The following PCDHGA7 variants were observed in gnomAD, a reference collection of about 807,000 sequenced individuals.
PCDHGA7 encodes protocadherin gamma-A7.
A neutral mutation model predicts 58.3 loss-of-function variants in PCDHGA7; 44 were observed. That is an observed-to-expected ratio of 0.75 (90% CI 0.59 to 0.97). The LOEUF (loss-of-function observed/expected upper bound fraction) is 0.97. PCDHGA7 is among the 50% of genes least tolerant of loss of function. PCDHGA7 has a pLI of 0.00. For missense variants in PCDHGA7, 1,266 were observed against 1,188.7 expected (o/e 1.06, Z -0.96); for synonymous variants, 516 against 504.2 (o/e 1.02, Z -0.31).
intron 1 of PCDHGA7, chr5:141,430,973 A>G: frequency 6.2e-7 from 1 of 1,613,266 alleles, no homozygotes; most frequent in East Asian, 2.2e-5. Flanking sequence ...CAGAGGTAGG[A>G]CGCAGCTTTT....
At position 141,485,149 on chromosome 5, in the gene PCDHGA7, A is replaced by G; in HGVS notation, c.2425-9658A>G. 6.3e-7 allele frequency: 1 copy of G among 1,578,106 alleles called. No individual in the cohort carries two copies. Among genetic ancestry groups the G allele is most frequent in the South Asian group, 1.1e-5 (1 of 89,070 alleles). ...CGGCTTCATCCGCGTCTCAGGAGCA[A>G]GTAGAGAATTAGCGGGCGGCAGCAA... On this transcript the variant is annotated intron_variant, in intron 1 of 3. Transcript: ENST00000518325. This position sits in a 1 kb window ranked among gnomAD's most constrained non-coding sequence, Gnocchi z 5.7.
At chr5:141,443,547 T>C (rs1210940890) in intron 1 of PCDHGA7, among the ~76,000 whole-genome samples, 2 of 152,192 alleles carry the variant, frequency 1.3e-5, no homozygotes, top group Non-Finnish European at 2.9e-5. Context: ...TGGGAAATTG[T>C]TCCAATTCAA....
At chr5:141,457,560 G>A (rs1466753974) in intron 1 of PCDHGA7, among the ~76,000 whole-genome samples, 1 of 152,162 alleles carries the variant, frequency 6.6e-6, no homozygotes, top group African/African-American at 2.4e-5. Flanking sequence ...ATAAGCTTTG[G>A]AGCAAAATTT....
chr5:141,401,822 C>T (rs1340105226), intron 1 of PCDHGA7, among the ~76,000 whole-genome samples: 1 of 152,188 alleles, frequency 6.6e-6, no homozygotes, highest in Non-Finnish European at 1.5e-5. Flanking sequence ...TTACAAAGTG[C>T]TGAGATTTCT....
chr5:141,409,033 A>T, intron 1 of PCDHGA7: 1 of 1,614,028 alleles, frequency 6.2e-7, no homozygotes, highest in Non-Finnish European at 8.5e-7. Context: ...ATGCTGAGAT[A>T]AACTACTACT....
intron 1 of PCDHGA7, among the ~76,000 whole-genome samples, chr5:141,466,519 C>A (rs1406838553): frequency 6.6e-6 from 1 of 151,864 alleles, no homozygotes; most frequent in Non-Finnish European, 1.5e-5. Flanking sequence ...CATTTTTTTT[C>A]CTCCCAAATT....
Position 141,490,051 on chromosome 5 carries a change from G to C in PCDHGA7, c.2425-4756G>C, listed in dbSNP as rs779280988. 1 of 1,614,214 alleles carries C rather than the reference G, an allele frequency of 6.2e-7. No individual in the cohort carries two copies. The highest frequency in any genetic ancestry group is 1.1e-5 in the South Asian group (1 of 91,082). On this transcript the variant is annotated intron_variant, in intron 1 of 3. Coordinates refer to ENST00000518325, the MANE Select transcript of PCDHGA7 (RefSeq NM_018920.4). The surrounding 1 kb of genome is among the most constrained non-coding windows in gnomAD (Gnocchi z 5.4). Reference sequence around the variant, plus strand: ...CCGCCTCAATGCCACTGATCCAGACGAGGGCACCAACGGCCAACTAGACTA... The same window carrying C: ...CCGCCTCAATGCCACTGATCCAGACCAGGGCACCAACGGCCAACTAGACTA...
In PCDHGA7 at chr5:141,491,867, T is replaced by A. The variant is rs1424221139; in HGVS notation, c.2425-2940T>A. On this transcript the variant is annotated intron_variant, in intron 1 of 3. Transcript: ENST00000518325. The surrounding 1 kb of genome is among the most constrained non-coding windows in gnomAD (Gnocchi z 6.9). ...TTGGACCGTTTGCGCGAAACCAGAG[T>A]GGCCGATTAAGGGATGGGGCTCCGA... 6.9e-7 allele frequency: 1 copy of A among 1,452,218 alleles called. No homozygotes were observed. The highest frequency in any genetic ancestry group is 9.1e-7 in the Non-Finnish European group (1 of 1,099,056). The allele number at this position is 1,452,218 out of a possible 1,614,324, so 90.0% of individuals were successfully genotyped here. A position where few individuals can be genotyped will look rare whatever the true frequency, so the allele number is the denominator to read the frequency against.
chr5:141,487,857 T>A lies in PCDHGA7; in HGVS notation c.2425-6950T>A. Reference sequence around the variant, plus strand: ...TATCTGAGTAAGAAATGAAAGTAATTGGTGATCAAGAGCCAGGCTGTTGTG... The same window carrying A: ...TATCTGAGTAAGAAATGAAAGTAATAGGTGATCAAGAGCCAGGCTGTTGTG... On this transcript the variant is annotated intron_variant, in intron 1 of 3. Coordinates refer to ENST00000518325, the MANE Select transcript of PCDHGA7 (RefSeq NM_018920.4). The surrounding 1 kb of genome is among the most constrained non-coding windows in gnomAD (Gnocchi z 5.0). The A allele has an allele frequency of 1.0e-6, 1 of 964,674 alleles. No individual in the cohort carries two copies. Among genetic ancestry groups the A allele is most frequent in the Non-Finnish European group, 1.5e-6 (1 of 659,920 alleles). 59.8% of individuals were successfully genotyped at this position (964,674 alleles called of 1,614,324 possible). A position where few individuals can be genotyped will look rare whatever the true frequency, so the allele number is the denominator to read the frequency against.
chr5:141,419,698 G>A, intron 1 of PCDHGA7: 1 of 1,612,978 alleles, frequency 6.2e-7, no homozygotes, highest in Non-Finnish European at 8.5e-7. Context: ...AGGCCAGTGA[G>A]CCCGGGCTCT....
intron 1 of PCDHGA7, chr5:141,403,757 C>G (rs1326659106): frequency 6.2e-7 from 1 of 1,613,766 alleles, no homozygotes; most frequent in Non-Finnish European, 8.5e-7. Flanking sequence ...AGCCAGCGAC[C>G]TGGATGAGGG....
chr5:141,407,317 T>G (rs1268885358), intron 1 of PCDHGA7, among the ~76,000 whole-genome samples: 1 of 152,198 alleles, frequency 6.6e-6, no homozygotes, highest in Non-Finnish European at 1.5e-5. Flanking sequence ...TCATACTTAG[T>G]ATTTATAAAT....
rs2154532733 is a variant in PCDHGA7, at chr5:141,403,281, T to C, written c.2424+17958T>C. ...TGTCTGGTGAACTTTAAAGTCCTGGTTGAAGACAGAGTGAAACTGTACGGA... is the reference window on the plus strand; with the variant it reads ...TGTCTGGTGAACTTTAAAGTCCTGGCTGAAGACAGAGTGAAACTGTACGGA... On this transcript the variant is annotated intron_variant, in intron 1 of 3. Transcript: ENST00000518325. The C allele has an allele frequency of 2.5e-6, 4 of 1,613,908 alleles. No individual in the cohort carries two copies. Among genetic ancestry groups the C allele is most frequent in the African/African-American group, 1.3e-5 (1 of 75,080 alleles).
chr5:141,388,356 C>T (rs756910714), intron 1 of PCDHGA7: 1 of 1,613,826 alleles, frequency 6.2e-7, no homozygotes. Flanking sequence ...AGGATCTGCC[C>T]ATGATGCGGA....
chr5:141,419,258 C>G lies in PCDHGA7; in HGVS notation c.2424+33935C>G, dbSNP rs761740232. The G allele has an allele frequency of 2.5e-6, 4 of 1,614,028 alleles. No individual in the cohort carries two copies. The Admixed American group carries it at 6.7e-5, about 27-fold the overall frequency. ...GGTCCACGTGCCAGAAAACAACCAG[C>G]CGGGTGCCTCCATAGCGCAAGTCAG... On this transcript the variant is annotated intron_variant, in intron 1 of 3. Transcript: ENST00000518325.
chr5:141,424,393 A>G (rs1241872928), intron 1 of PCDHGA7: 1 of 152,120 alleles, frequency 6.6e-6, no homozygotes, highest in Non-Finnish European at 1.5e-5. Flanking sequence ...TGTCTTTTCC[A>G]TTACTATGGT....
chr5:141,414,106 CTAGA>C, intron 1 of PCDHGA7: 1 of 1,592,656 alleles, frequency 6.3e-7, no homozygotes, highest in Non-Finnish European at 8.6e-7. Flanking sequence ...ATCAGAAAAT[CTAGA>C]TTATGAAGAA....
At chr5:141,481,180 T>C (rs1354907506) in intron 1 of PCDHGA7, among the ~76,000 whole-genome samples, 1 of 152,236 alleles carries the variant, frequency 6.6e-6, no homozygotes, top group Admixed American at 6.5e-5. Flanking sequence ...CCAGCTTTAT[T>C]GGGCCAGGCC....
chr5:141,413,283 C>A lies in PCDHGA7; in HGVS notation c.2424+27960C>A, dbSNP rs377443382. On this transcript the variant is annotated intron_variant, in intron 1 of 3. Coordinates refer to ENST00000518325, the MANE Select transcript of PCDHGA7 (RefSeq NM_018920.4). ...GGGAGGCTGGAGCCCGGCAGATCTC[C>A]TACTCAATTCCTGAGGAATTAGAGA... The A allele has an allele frequency of 3.6e-5, 58 of 1,613,848 alleles. No individual in the cohort carries two copies. The African/African-American group carries it at 7.6e-4, about 21-fold the overall frequency.
Sources: gnomAD v4.1 joint callset for allele counts (sites outside exome capture counted in the v4.1 genomes callset) on GRCh38, gnomAD v4.1.1 for gene constraint, Gnocchi (gnomAD v3.1) non-coding constraint, MANE v1.5 for transcripts, NCBI Gene and HGNC (gene_info 2026-07-23, HGNC 2026-07-21) for gene names.